Variants in CCDC192 observed in about 807,000 individuals in gnomAD.
CCDC192 encodes the protein coiled-coil domain-containing protein 192.
intron 2 of CCDC192, among the ~76,000 whole-genome samples, chr5:127,719,695 G>A (rs1160300654): frequency 3.3e-5 from 5 of 151,248 alleles, no homozygotes; most frequent in Admixed American, 3.3e-4. Flanking sequence ...AATTTATAAA[G>A]AAAAGAGGAT....
At chr5:127,783,069 C>G (rs967081760) in intron 3 of CCDC192, among the ~76,000 whole-genome samples, 4 of 151,220 alleles carry the variant, frequency 2.6e-5, no homozygotes, top group Admixed American at 2.0e-4. Flanking sequence ...GATCTTGGCT[C>G]ACTGCAACCT....
intron 5 of CCDC192, among the ~76,000 whole-genome samples, chr5:127,818,575 G>A (rs187450241): frequency 4.6e-4 from 70 of 152,264 alleles, no homozygotes; most frequent in African/African-American, 1.6e-3. Context: ...ATGACAAGTG[G>A]AATGATCGTG....
chr5:127,860,849 C>A (rs2127103923), intron 5 of CCDC192, among the ~76,000 whole-genome samples: 1 of 152,202 alleles, frequency 6.6e-6, no homozygotes, highest in Admixed American at 6.5e-5. Flanking sequence ...CTTTTTCCCC[C>A]ATAATAGACA....
At chr5:127,867,005 G>T (rs1450366163) in intron 5 of CCDC192, among the ~76,000 whole-genome samples, 1 of 152,080 alleles carries the variant, frequency 6.6e-6, no homozygotes, top group African/African-American at 2.4e-5. Context: ...TTTGTAAGTT[G>T]TTTTAAGGCC....
Position 127,827,743 on chromosome 5 carries a change from C to T in CCDC192, c.411+29581C>T, listed in dbSNP as rs564420799. 9.7e-4 allele frequency among the ~76,000 whole-genome samples: 147 copies of T among 152,290 alleles called. 1 individual carries two copies. Among genetic ancestry groups the T allele is most frequent in the African/African-American group, 3.4e-3 (141 of 41,564 alleles). On this transcript the variant is annotated intron_variant, in intron 5 of 6. Coordinates refer to ENST00000514853, the MANE Select transcript of CCDC192 (RefSeq NM_001317938.2). The stretch of plus-strand genomic sequence containing the variant: ...AACATATAAATGTCAAAACAATAAA[C>T]TAATGCTTCCCTTCAACTTGATCAT...
At chr5:127,915,663 G>A (rs766028660) in intron 6 of CCDC192, among the ~76,000 whole-genome samples, 34 of 152,276 alleles carry the variant, frequency 2.2e-4, no homozygotes, top group Middle Eastern at 3.4e-3. Context: ...TTATAGGCGT[G>A]AGCCACTGCG....
intron 5 of CCDC192, among the ~76,000 whole-genome samples, chr5:127,823,185 G>A (rs1749374807): frequency 6.6e-6 from 1 of 152,216 alleles, no homozygotes; most frequent in Non-Finnish European, 1.5e-5. Flanking sequence ...TGCAGCGACA[G>A]TAATCTCATT....
intron 2 of CCDC192, among the ~76,000 whole-genome samples, chr5:127,744,435 C>G (rs375731440): frequency 5.9e-5 from 9 of 152,234 alleles, no homozygotes; most frequent in African/African-American, 2.2e-4. Flanking sequence ...ATGTGTTTAT[C>G]TGGCAGGAAG....
At chr5:127,935,510 C>G (rs999590840) in intron 6 of CCDC192, 1 of 152,162 alleles carries the variant, frequency 6.6e-6, no homozygotes, top group Admixed American at 6.5e-5. Context: ...CACTTTTCAG[C>G]CCTGCATCAC....
chr5:127,919,525 C>T (rs1002279943), intron 6 of CCDC192, among the ~76,000 whole-genome samples: 27 of 152,124 alleles, frequency 1.8e-4, no homozygotes, highest in Non-Finnish European at 3.2e-4. Flanking sequence ...CAGTTTCAGA[C>T]CGTAATGGTA....
At chr5:127,847,999 G>A (rs899676319) in intron 5 of CCDC192, among the ~76,000 whole-genome samples, 21 of 151,920 alleles carry the variant, frequency 1.4e-4, no homozygotes, top group Non-Finnish European at 2.4e-4. Context: ...ATTTCACCAT[G>A]TTGGCCAGCC....
chr5:127,722,918 C>T (rs997709650), intron 2 of CCDC192, among the ~76,000 whole-genome samples: 16 of 152,096 alleles, frequency 1.1e-4, no homozygotes, highest in Admixed American at 9.2e-4. Context: ...TCTTTTTGCT[C>T]AGGGTATCTT....
At chr5:127,850,748 C>T (rs944887673) in intron 5 of CCDC192, among the ~76,000 whole-genome samples, 2 of 152,080 alleles carry the variant, frequency 1.3e-5, no homozygotes, top group Admixed American at 1.3e-4. Context: ...GGCAAATCAC[C>T]TGAGTTTAGG....
At chr5:127,915,298 C>A (rs1753487421) in intron 6 of CCDC192, among the ~76,000 whole-genome samples, 1 of 152,218 alleles carries the variant, frequency 6.6e-6, no homozygotes, top group Non-Finnish European at 1.5e-5. Flanking sequence ...AAGTCCTAAT[C>A]TTTTTGCTGA....
intron 2 of CCDC192, among the ~76,000 whole-genome samples, chr5:127,729,384 A>G (rs1752510025): frequency 6.6e-6 from 1 of 152,222 alleles, no homozygotes; most frequent in South Asian, 2.1e-4. Context: ...ATACCTTCAA[A>G]GAGACTTAGA....
chr5:127,702,871 C>G (rs982656012), upstream of CCDC192, among the ~76,000 whole-genome samples: 1 of 152,216 alleles, frequency 6.6e-6, no homozygotes, highest in Non-Finnish European at 1.5e-5. Flanking sequence ...GCAGCAGTTG[C>G]AGGTGAACAG....
At chr5:127,731,496 A>G (rs1370691228) in intron 2 of CCDC192, among the ~76,000 whole-genome samples, 1 of 152,222 alleles carries the variant, frequency 6.6e-6, no homozygotes, top group Non-Finnish European at 1.5e-5. Flanking sequence ...GACATTCTTC[A>G]CAGAACTAGA....
At chr5:127,802,652 T>C (rs966632362) in intron 5 of CCDC192, among the ~76,000 whole-genome samples, 8 of 152,216 alleles carry the variant, frequency 5.3e-5, no homozygotes, top group Admixed American at 3.9e-4. Flanking sequence ...TTTTCAGTCA[T>C]TTGTCACACT....
At chr5:127,785,908 A>G in intron 3 of CCDC192, 1 of 437,186 alleles carries the variant, frequency 2.3e-6, no homozygotes, top group Non-Finnish European at 4.4e-6. Context: ...TGCAGACATT[A>G]CCAAGGCAAT....
Sources: allele counts gnomAD v4.1 joint callset (sites outside exome capture counted in the v4.1 genomes callset), GRCh38; gene constraint gnomAD v4.1.1; transcripts MANE v1.5; gene names NCBI Gene and HGNC (gene_info 2026-07-23, HGNC 2026-07-21).